Variants in HPGD observed in about 807,000 individuals in gnomAD.
The protein encoded by HPGD is 15-hydroxyprostaglandin dehydrogenase, also known as 15-hydroxyprostaglandin dehydrogenase [NAD(+)].
A neutral mutation model predicts 30.0 loss-of-function variants in HPGD; 29 were observed. The observed-to-expected ratio is 0.97, with a 90% CI of 0.72 to 1.32. The LOEUF (loss-of-function observed/expected upper bound fraction) is 1.32, where lower values mean the gene tolerates loss of function less well. HPGD is among the 40% of genes most tolerant of loss of function. The pLI, the probability that HPGD is intolerant of heterozygous loss-of-function variation, is 0.00. For missense variants in HPGD, 340 were observed against 322.1 expected (o/e 1.06, Z -0.43); for synonymous variants, 99 against 112.4 (o/e 0.88, Z 0.75).
chr4:174,510,137 C>A (rs559887793), intron 3 of HPGD, among the ~76,000 whole-genome samples: 17 of 152,268 alleles, frequency 1.1e-4, no homozygotes, highest in Non-Finnish European at 2.2e-4. Context: ...TACTTACCTT[C>A]TTTTTCTCTT....
At chr4:174,520,358 A>C (rs1247418732) in intron 2 of HPGD, among the ~76,000 whole-genome samples, 2 of 152,200 alleles carry the variant, frequency 1.3e-5, no homozygotes, top group Non-Finnish European at 2.9e-5. Flanking sequence ...AAAATAAGTT[A>C]TGTTTAGATT....
chr4:174,495,255 T>C (rs1734534061), intron 5 of HPGD: 2 of 401,948 alleles, frequency 5.0e-6, no homozygotes, highest in South Asian at 5.1e-5. Flanking sequence ...CTGAAGTTAA[T>C]AATATTTCCA....
intron 3 of HPGD, among the ~76,000 whole-genome samples, chr4:174,511,740 G>C (rs950719593): frequency 6.6e-6 from 1 of 152,098 alleles, no homozygotes; most frequent in African/African-American, 2.4e-5. Flanking sequence ...TCCGCCTCCC[G>C]GGTTCACGCC....
chr4:174,503,265 G>C (rs984756578), intron 4 of HPGD, among the ~76,000 whole-genome samples: 2 of 152,194 alleles, frequency 1.3e-5, no homozygotes, highest in South Asian at 4.2e-4. Context: ...ATGGCAGTTG[G>C]CATCTGAGCA....
At chr4:174,501,354 G>A (rs1734890111) in intron 4 of HPGD, among the ~76,000 whole-genome samples, 1 of 152,054 alleles carries the variant, frequency 6.6e-6, no homozygotes, top group African/African-American at 2.4e-5. Context: ...ATAAAACAAA[G>A]GATTGTGACC....
rs909892129 is a variant in HPGD at position 174,494,128 on chromosome 4, T to A, written c.499-814A>T. Among the ~76,000 whole-genome samples the A allele has an allele frequency of 3.9e-5, 6 of 152,174 alleles. No individual in the cohort carries two copies. Among genetic ancestry groups the A allele is most frequent in the Non-Finnish European group, 7.3e-5 (5 of 68,030 alleles). On this transcript the variant is annotated intron_variant, in intron 5 of 6. Transcript: ENST00000296522. This position sits in a 1 kb window ranked among gnomAD's most constrained non-coding sequence, Gnocchi z 4.9. Reference sequence around the variant, plus strand: ...AGAAGTGCTGTGTAGTGTTCCTTAGTGTAAGAAGACTGATGTCCTGTACAG... The same window carrying A: ...AGAAGTGCTGTGTAGTGTTCCTTAGAGTAAGAAGACTGATGTCCTGTACAG...
At chr4:174,517,846 G>A in intron 3 of HPGD, 125 bp downstream of exon 3, 1 of 601,616 alleles carries the variant, frequency 1.7e-6, no homozygotes, top group Non-Finnish European at 3.0e-6. Context: ...CCAGCTTTCT[G>A]TAACTTCCCT....
chr4:174,513,518 A>C (rs1735617586), intron 3 of HPGD, among the ~76,000 whole-genome samples: 1 of 152,030 alleles, frequency 6.6e-6, no homozygotes, highest in South Asian at 2.1e-4. Flanking sequence ...TAGGGAAGGA[A>C]TAGAAAAAGA....
chr4:174,500,556 A>G (rs1734851826), intron 4 of HPGD, among the ~76,000 whole-genome samples: 1 of 152,226 alleles, frequency 6.6e-6, no homozygotes, highest in Non-Finnish European at 1.5e-5. Context: ...ATGGAATAAT[A>G]TTCAACTCTA....
rs1734340874 is a variant in HPGD, at chr4:174,491,440, AC to A, written c.*515del. On this transcript the variant is annotated 3_prime_UTR_variant, in exon 7 of 7. Transcript: ENST00000296522. ...TATTCCTTGACTGCCCCCAAAATATACTACTCTAAGAAGCTCTTGGAAGAAC... is the reference window on the plus strand; with the variant it reads ...TATTCCTTGACTGCCCCCAAAATATATACTCTAAGAAGCTCTTGGAAGAAC... 6.3e-6 allele frequency: 1 copy of A among 157,752 alleles called. No homozygotes were observed. The highest frequency in any genetic ancestry group is 1.4e-5 in the Non-Finnish European group (1 of 71,222). The allele number at this position is 157,752 out of a possible 1,614,324, so 9.8% of individuals were successfully genotyped here. A position where few individuals can be genotyped will look rare whatever the true frequency, so the allele number is the denominator to read the frequency against.
At chr4:174,508,898 G>A (rs1579290625) in intron 3 of HPGD, 106 bp from the exon 4 acceptor site, 1 of 742,552 alleles carries the variant, frequency 1.3e-6, no homozygotes, top group East Asian at 2.5e-5. Flanking sequence ...GGAGATTTCT[G>A]CAAATATTAT....
chr4:174,512,270 A>G (rs1037358307), intron 3 of HPGD, among the ~76,000 whole-genome samples: 1 of 152,212 alleles, frequency 6.6e-6, no homozygotes, highest in Admixed American at 6.5e-5. Context: ...AACATCTGTA[A>G]GGACACAAGA....
chr4:174,519,873 C>T (rs192924291), intron 2 of HPGD, among the ~76,000 whole-genome samples: 11 of 152,290 alleles, frequency 7.2e-5, no homozygotes, highest in African/African-American at 2.6e-4. Context: ...TTCACACAGA[C>T]GCGAGTGAAA....
At chr4:174,517,036 T>C (rs1735814799) in intron 3 of HPGD, among the ~76,000 whole-genome samples, 1 of 152,146 alleles carries the variant, frequency 6.6e-6, no homozygotes, top group Non-Finnish European at 1.5e-5. Context: ...AATTGTACTC[T>C]ACAATTACCT....
chr4:174,511,207 G>T (rs1735473126), intron 3 of HPGD, among the ~76,000 whole-genome samples: 2 of 103,194 alleles, frequency 1.9e-5, no homozygotes, highest in Admixed American at 2.2e-4. Context: ...GTCAATAAGT[G>T]CATTTCAGAA....
intron 3 of HPGD, among the ~76,000 whole-genome samples, chr4:174,509,466 G>A (rs1735365858): frequency 6.6e-6 from 1 of 152,186 alleles, no homozygotes; most frequent in African/African-American, 2.4e-5. Flanking sequence ...TGGTCAGTGA[G>A]ACCTGGGAGG....
chr4:174,508,173 A>T (rs986427541), intron 4 of HPGD: 1 of 701,286 alleles, frequency 1.4e-6, no homozygotes, highest in South Asian at 1.5e-5. Context: ...GTCTGCATAC[A>T]GAAGAGATAC....
At chr4:174,500,527 A>C (rs1230006268) in intron 4 of HPGD, among the ~76,000 whole-genome samples, 1 of 152,220 alleles carries the variant, frequency 6.6e-6, no homozygotes, top group Non-Finnish European at 1.5e-5. Context: ...GAACAAATAA[A>C]CTGTGGTATA....
rs779915935 is a variant in HPGD, at chr4:174,495,549, G to C, written c.497C>G (p.Ala166Gly). 3.1e-5 allele frequency: 49 copies of C among 1,606,250 alleles called. No individual in the cohort carries two copies. The highest frequency in any genetic ancestry group is 4.1e-5 in the Non-Finnish European group (48 of 1,173,088). ...ATATGACGGTTGTTGTAGCCTCACC[G>C]CTGCTGAGCGTGTGAATCCAACTAT... ...HGIVGFTRSA[A>G]LAANLMNSGV... The change falls in exon 5 of 7, where the codon GCG becomes GGG. Residue 166 changes from alanine to glycine, a missense_variant and splice_region_variant. Physicochemically the swap from Ala to Gly is moderately conservative, Grantham distance 60. Coordinates refer to ENST00000296522, the MANE Select transcript of HPGD (RefSeq NM_000860.6).
Sources: allele counts gnomAD v4.1 joint callset (sites outside exome capture counted in the v4.1 genomes callset), GRCh38; gene constraint gnomAD v4.1.1; non-coding constraint Gnocchi (gnomAD v3.1); transcripts MANE v1.5; gene names NCBI Gene and HGNC (gene_info 2026-07-23, HGNC 2026-07-21).